Variants in DHDDS observed in about 807,000 individuals in gnomAD.
The protein encoded by DHDDS is dehydrodolichyl diphosphate synthase subunit.
A neutral mutation model predicts 46.2 loss-of-function variants in DHDDS; 16 were observed. The observed-to-expected ratio is 0.35, with a 90% CI of 0.23 to 0.53. DHDDS has a LOEUF of 0.53. DHDDS is among the 20% of genes least tolerant of loss of function. The pLI is 0.94. For missense variants in DHDDS, 340 were observed against 423.7 expected (o/e 0.80, Z 1.73); for synonymous variants, 151 against 163.1 (o/e 0.93, Z 0.56).
rs779342363 is a variant in DHDDS at position 26,469,102 on chromosome 1, C to T, written c.973C>T (p.Leu325=). ...CTTGGAACTCAAGCGAGCTGACTGGCTGGCCCGTCTGGGCACTGCATCAGC... is the reference window on the plus strand; with the variant it reads ...CTTGGAACTCAAGCGAGCTGACTGGTTGGCCCGTCTGGGCACTGCATCAGC... ...QALELKRADW[L]ARLGTASA is the part of the protein sequence containing the mutation. Residue 325 remains leucine (L), a synonymous_variant, in exon 9 of 9, where the codon CTG becomes TTG. Transcript: ENST00000236342. The T allele has an allele frequency of 1.9e-6, 3 of 1,612,488 alleles. No homozygotes were observed. The African/African-American group carries it at 4.0e-5, about 22-fold the overall frequency.
Position 26,432,931 on chromosome 1 carries a change from G to A in DHDDS, c.-15G>A, listed in dbSNP as rs963842383. 3.1e-6 allele frequency: 5 copies of A among 1,614,084 alleles called. No homozygotes were observed. The highest frequency in any genetic ancestry group is 2.2e-5 in the East Asian group (1 of 44,886). ...TTTGCTTGTTCTGGAGTGATCTTCT[G>A]ACTGGAAAAGAACTATGTCATGGAT... is the stretch of plus-strand genomic sequence containing the variant. On this transcript the variant is annotated 5_prime_UTR_variant, in exon 2 of 9. Coordinates refer to ENST00000236342, the MANE Select transcript of DHDDS (RefSeq NM_205861.3).
At chr1:26,434,442 C>T (rs896905051) in intron 2 of DHDDS, among the ~76,000 whole-genome samples, 11 of 152,152 alleles carry the variant, frequency 7.2e-5, no homozygotes, top group African/African-American at 2.7e-4. Flanking sequence ...GGAACCACTG[C>T]AGTGGTATGT....
At chr1:26,439,972 C>T (rs1038089077) in intron 3 of DHDDS, among the ~76,000 whole-genome samples, 1 of 147,326 alleles carries the variant, frequency 6.8e-6, no homozygotes, top group South Asian at 2.1e-4. Context: ...AACCCCATCT[C>T]TATTAAAAAT....
chr1:26,433,242 A>G (rs2075121084), intron 2 of DHDDS: 7 of 584,456 alleles, frequency 1.2e-5, no homozygotes, highest in Middle Eastern at 4.6e-4. Flanking sequence ...TGGGCAGCCT[A>G]GACTGCTAAG....
intron 2 of DHDDS, among the ~76,000 whole-genome samples, chr1:26,437,775 C>T (rs559461588): frequency 3.0e-4 from 45 of 149,510 alleles, no homozygotes; most frequent in Non-Finnish European, 5.9e-4. Flanking sequence ...CATGCCCGGC[C>T]GACCCCATCT....
chr1:26,456,880 A>T (rs1168603992), intron 6 of DHDDS, among the ~76,000 whole-genome samples: 1 of 152,186 alleles, frequency 6.6e-6, no homozygotes, highest in Non-Finnish European at 1.5e-5. Flanking sequence ...TTTATACTAT[A>T]TATTCTCTGA....
At chr1:26,468,634 G>A (rs769094869) in intron 8 of DHDDS, among the ~76,000 whole-genome samples, 10 of 152,150 alleles carry the variant, frequency 6.6e-5, no homozygotes, top group Admixed American at 1.3e-4. Flanking sequence ...GGTTCCAAGA[G>A]CATGAGAAAA....
chr1:26,461,086 C>G (rs1054164099), intron 8 of DHDDS, among the ~76,000 whole-genome samples: 1 of 152,124 alleles, frequency 6.6e-6, no homozygotes, highest in Non-Finnish European at 1.5e-5. Flanking sequence ...GTTGGCCAGG[C>G]TGGTCTTGAA....
At chr1:26,433,159 C>T in intron 2 of DHDDS, 151 bp downstream of exon 2, 1 of 813,392 alleles carries the variant, frequency 1.2e-6, no homozygotes, top group Non-Finnish European at 2.0e-6. Context: ...ATGGTAACTT[C>T]CAGGTCTACA....
At chr1:26,459,319 C>T (rs893656570) in intron 7 of DHDDS, among the ~76,000 whole-genome samples, 2 of 152,128 alleles carry the variant, frequency 1.3e-5, no homozygotes, top group African/African-American at 4.8e-5. Context: ...CTAGTTATCC[C>T]CCATGAGGTA....
In DHDDS at chr1:26,453,186, TC is replaced by T. The variant is rs1348495030; in HGVS notation, c.543-4604del. On this transcript the variant is annotated intron_variant, in intron 6 of 8. Transcript: ENST00000236342. The stretch of plus-strand genomic sequence containing the variant: ...CATAATGAATAGTTTACACTCTGAA[TC>T]ATGCTTTTATCATTCAATGTTACGA... Among the ~76,000 whole-genome samples the T allele has an allele frequency of 3.9e-5, 6 of 152,262 alleles. No homozygotes were observed. In the South Asian group the frequency reaches 1.2e-3, roughly 32 times the overall value.
intron 8 of DHDDS, 84 bp from the exon 9 acceptor site, chr1:26,468,811 G>GGCC: frequency 6.3e-6 from 4 of 637,970 alleles, no homozygotes; most frequent in East Asian, 8.0e-5. Context: ...CCCACCCTGT[G>GGCC]CCCCACCCCC....
chr1:26,462,876 G>A (rs2075439230), intron 8 of DHDDS: 1 of 152,180 alleles, frequency 6.6e-6, no homozygotes, highest in Admixed American at 6.5e-5. Context: ...GTATTCTTGA[G>A]GAGACAGAAA....
intron 2 of DHDDS, 114 bp downstream of exon 2, chr1:26,433,122 T>G: frequency 8.6e-7 from 1 of 1,161,230 alleles, no homozygotes; most frequent in Non-Finnish European, 1.3e-6. Flanking sequence ...TAAGTGGAAT[T>G]TAGCAAGGAA....
intron 8 of DHDDS, among the ~76,000 whole-genome samples, chr1:26,465,088 G>C (rs998031470): frequency 6.6e-6 from 1 of 152,178 alleles, no homozygotes. Flanking sequence ...AGGCCAGGGA[G>C]GGGGTGTGCG....
chr1:26,438,065 G>C, intron 2 of DHDDS, 103 bp from the exon 3 acceptor site: 1 of 1,205,938 alleles, frequency 8.3e-7, no homozygotes, highest in Non-Finnish European at 1.2e-6. Context: ...CCTTCGTCAG[G>C]GTTTTCATCA....
At chr1:26,451,398 A>G (rs1474019530) in intron 6 of DHDDS, among the ~76,000 whole-genome samples, 1 of 140,600 alleles carries the variant, frequency 7.1e-6, no homozygotes, top group African/African-American at 2.7e-5. Context: ...CAGGGTATGT[A>G]TGTAGATGTG....
Position 26,469,428 on chromosome 1 carries a change from C to G in DHDDS, c.*297C>G. 2.0e-6 allele frequency: 1 copy of G among 510,832 alleles called. No individual in the cohort carries two copies. Among genetic ancestry groups the G allele is most frequent in the Admixed American group, 3.2e-5 (1 of 31,018 alleles). 31.6% of individuals were successfully genotyped at this position (510,832 alleles called of 1,614,324 possible). ...TCATCAGCTGCCTGTCTCTTAGATG[C>G]ACTTTCTTTTTCCACCAGCACATCC... On this transcript the variant is annotated 3_prime_UTR_variant, in exon 9 of 9. Coordinates refer to ENST00000236342, the MANE Select transcript of DHDDS (RefSeq NM_205861.3).
At chr1:26,460,272 AC>A (rs2075409541) in intron 8 of DHDDS, 128 bp downstream of exon 8, 2 of 777,372 alleles carry the variant, frequency 2.6e-6, no homozygotes, top group East Asian at 5.2e-5. Context: ...AGTAGCTACC[AC>A]CTACTGAGTA....
Sources: allele counts gnomAD v4.1 joint callset (sites outside exome capture counted in the v4.1 genomes callset), GRCh38; gene constraint gnomAD v4.1.1; transcripts MANE v1.5; gene names NCBI Gene and HGNC (gene_info 2026-07-23, HGNC 2026-07-21).